Variants in DIAPH3 observed in about 807,000 individuals in gnomAD.
DIAPH3 encodes the protein diaphanous related formin 3.
A neutral mutation model predicts 144.3 loss-of-function variants in DIAPH3; 117 were observed. The ratio of observed to expected loss-of-function variants is 0.81; its 90% CI spans 0.70 to 0.95. The LOEUF is 0.95. Ranked by LOEUF, DIAPH3 falls within the 40% of genes least tolerant of loss-of-function variation. DIAPH3 has a pLI of 0.00. For synonymous variants in DIAPH3, 519 were observed against 488.9 expected, an observed-to-expected ratio of 1.06 and a Z score of -0.81; for missense variants, 1,421 against 1,412.7, an observed-to-expected ratio of 1.01 and a Z score of -0.09.
chr13:59,717,323 G>GT (rs1185467169), intron 27 of DIAPH3, among the ~76,000 whole-genome samples: 1 of 152,184 alleles, frequency 6.6e-6, no homozygotes, highest in Non-Finnish European at 1.5e-5. Flanking sequence ...GTATTTTGAA[G>GT]TATCTTCTCA....
intron 21 of DIAPH3, among the ~76,000 whole-genome samples, chr13:59,864,191 G>A (rs1265414451): frequency 6.6e-6 from 1 of 151,948 alleles, no homozygotes; most frequent in South Asian, 2.1e-4. Flanking sequence ...TTTAAGTTTC[G>A]TTACAATCCT....
intron 15 of DIAPH3, among the ~76,000 whole-genome samples, chr13:59,974,112 T>C (rs1795043032): frequency 6.6e-6 from 1 of 152,002 alleles, no homozygotes; most frequent in African/African-American, 2.4e-5. Flanking sequence ...TTAGGAAACA[T>C]GTGACATTAG....
At chr13:59,824,899 C>T (rs1349993741) in intron 24 of DIAPH3, among the ~76,000 whole-genome samples, 4 of 151,942 alleles carry the variant, frequency 2.6e-5, no homozygotes, top group Non-Finnish European at 4.4e-5. Context: ...AAAATCCCAT[C>T]GGGAAATGTT....
intron 14 of DIAPH3, among the ~76,000 whole-genome samples, chr13:59,980,325 C>A (rs2050918349): frequency 6.6e-6 from 1 of 151,526 alleles, no homozygotes; most frequent in Non-Finnish European, 1.5e-5. Context: ...TGATTTCATT[C>A]TTAAGGGCTT....
chr13:60,103,165 G>A (rs1222163629), intron 3 of DIAPH3, among the ~76,000 whole-genome samples: 1 of 151,788 alleles, frequency 6.6e-6, no homozygotes, highest in African/African-American at 2.4e-5. Context: ...GAGGTGGGGG[G>A]GAAATATGTA....
At chr13:60,161,664 A>G (rs2210990) in intron 1 of DIAPH3, among the ~76,000 whole-genome samples, 114,947 of 152,062 alleles carry the variant, frequency 0.76, 43,610 homozygotes, top group Admixed American at 0.81. Flanking sequence ...AGATAAATAC[A>G]CACAAGAAAG....
intron 1 of DIAPH3, among the ~76,000 whole-genome samples, chr13:60,151,689 A>G (rs923668764): frequency 3.3e-5 from 5 of 152,218 alleles, no homozygotes; most frequent in African/African-American, 4.8e-5. Context: ...GACTTCCAAA[A>G]GCTTACAAAC....
intron 21 of DIAPH3, among the ~76,000 whole-genome samples, chr13:59,869,005 T>C (rs908719859): frequency 6.6e-6 from 1 of 152,224 alleles, no homozygotes; most frequent in Admixed American, 6.5e-5. Context: ...AGGTAATTAT[T>C]AATAAAATGG....
At chr13:60,023,576 G>A (rs1003169681) in intron 5 of DIAPH3, among the ~76,000 whole-genome samples, 2 of 151,906 alleles carry the variant, frequency 1.3e-5, no homozygotes, top group African/African-American at 2.4e-5. Context: ...TGGGACTACA[G>A]GCACGCACCA....
chr13:59,944,695 T>C (rs2048713607), intron 17 of DIAPH3, among the ~76,000 whole-genome samples: 1 of 152,008 alleles, frequency 6.6e-6, no homozygotes, highest in Non-Finnish European at 1.5e-5. Context: ...TGATAGTTTG[T>C]TTAAATATAT....
chr13:59,847,705 G>A (rs2139827387), intron 22 of DIAPH3, among the ~76,000 whole-genome samples: 1 of 152,222 alleles, frequency 6.6e-6, no homozygotes, highest in African/African-American at 2.4e-5. Context: ...TTTTTACTTT[G>A]TCACAGGGGA....
At chr13:59,930,450 G>C (rs1426389143) in intron 17 of DIAPH3, among the ~76,000 whole-genome samples, 1 of 152,146 alleles carries the variant, frequency 6.6e-6, no homozygotes, top group African/African-American at 2.4e-5. Context: ...AGCAAAGCTT[G>C]AAAGGAAAAA....
intron 27 of DIAPH3, among the ~76,000 whole-genome samples, chr13:59,745,711 A>C (rs2036667903): frequency 6.6e-6 from 1 of 152,212 alleles, no homozygotes; most frequent in Admixed American, 6.5e-5. Context: ...GGAGCAGCCT[A>C]CCCAGCACTG....
intron 25 of DIAPH3, among the ~76,000 whole-genome samples, chr13:59,804,452 T>C (rs1259993128): frequency 6.6e-6 from 1 of 152,180 alleles, no homozygotes; most frequent in African/African-American, 2.4e-5. Flanking sequence ...GTTAAATCTG[T>C]GATCATGTGC....
chr13:59,967,311 G>C (rs952890410), intron 17 of DIAPH3, among the ~76,000 whole-genome samples: 4 of 151,914 alleles, frequency 2.6e-5, no homozygotes, highest in Non-Finnish European at 4.4e-5. Flanking sequence ...CTGGCCTCAA[G>C]TGATCAACCC....
At chr13:59,798,683 T>G (rs1213698425) in intron 25 of DIAPH3, among the ~76,000 whole-genome samples, 1 of 152,204 alleles carries the variant, frequency 6.6e-6, no homozygotes, top group Admixed American at 6.5e-5. Flanking sequence ...TCATTCTTAG[T>G]ACAGGAACCA....
intron 27 of DIAPH3, among the ~76,000 whole-genome samples, chr13:59,697,531 T>G (rs2033885143): frequency 6.7e-6 from 1 of 150,276 alleles, no homozygotes; most frequent in African/African-American, 2.5e-5. Context: ...TATCTGTGAT[T>G]ATTTCATGTA....
intron 9 of DIAPH3, among the ~76,000 whole-genome samples, chr13:59,994,719 T>A (rs1241022607): frequency 6.6e-6 from 1 of 151,908 alleles, no homozygotes; most frequent in Non-Finnish European, 1.5e-5. Flanking sequence ...TTCAAAGACA[T>A]GGAACCTTTA....
chr13:59,970,174 C>T, intron 16 of DIAPH3, 116 bp from the exon 17 acceptor site: 1 of 500,964 alleles, frequency 2.0e-6, no homozygotes, highest in Non-Finnish European at 3.5e-6. Flanking sequence ...AAAGTCGTAT[C>T]TGTAAGATTT....
Sources: allele counts gnomAD v4.1 joint callset (sites outside exome capture counted in the v4.1 genomes callset), GRCh38; gene constraint gnomAD v4.1.1; transcripts MANE v1.5; gene names NCBI Gene and HGNC (gene_info 2026-07-23, HGNC 2026-07-21).